ILDR2: variants seen among roughly 807,000 people sequenced by gnomAD.
ILDR2 encodes the protein immunoglobulin like domain containing receptor 2.
Under a neutral mutation model 66.8 loss-of-function variants are expected in ILDR2, and 25 were observed. The ratio of observed to expected loss-of-function variants is 0.37; its 90% CI spans 0.27 to 0.52. The LOEUF (loss-of-function observed/expected upper bound fraction) is 0.52. Ranked by LOEUF, ILDR2 falls within the 20% of genes least tolerant of loss-of-function variation. The pLI, the probability that ILDR2 is intolerant of heterozygous loss-of-function variation, is 0.88. For missense variants in ILDR2, 827 were observed against 876.8 expected (o/e 0.94, Z 0.72); for synonymous variants, 367 against 357.2 (o/e 1.03, Z -0.31).
intron 1 of ILDR2, among the ~76,000 whole-genome samples, chr1:166,969,923 T>A (rs965671771): frequency 6.6e-6 from 1 of 152,240 alleles, no homozygotes; most frequent in Non-Finnish European, 1.5e-5. Context: ...TAAGTGTAGG[T>A]AGGCAATACC....
At chr1:166,935,238 A>T in intron 6 of ILDR2, 63 bp downstream of exon 6, 1 of 1,544,814 alleles carries the variant, frequency 6.5e-7, no homozygotes, top group South Asian at 1.1e-5. Flanking sequence ...TGTTCTTAAC[A>T]ACAAGGAACC....
In ILDR2 at chr1:166,908,271, C is replaced by T. The variant is rs966303412; in HGVS notation, c.*11084G>A. 7.9e-5 allele frequency: 12 copies of T among 152,322 alleles called. No homozygotes were observed. The highest frequency in any genetic ancestry group is 5.8e-4 in the East Asian group (3 of 5,192). The allele number at this position is 152,322 out of a possible 1,614,324, so 9.4% of individuals were successfully genotyped here. ...GTGCACCAATACATTCAGTTCCTGG[C>T]GAAGGTCCTTTTCCTGGTTTGCAGA... On this transcript the variant is annotated 3_prime_UTR_variant, in exon 10 of 10. Coordinates refer to ENST00000271417, the MANE Select transcript of ILDR2 (RefSeq NM_199351.3).
At chr1:166,905,611 T>A (rs1010366449), downstream of ILDR2, among the ~76,000 whole-genome samples, 6 of 152,190 alleles carry the variant, frequency 3.9e-5, no homozygotes, top group African/African-American at 1.4e-4. Flanking sequence ...AACCCTGATG[T>A]CTCTAACTTA....
At chr1:166,923,589 G>A (rs1660089932) in intron 7 of ILDR2, among the ~76,000 whole-genome samples, 1 of 152,206 alleles carries the variant, frequency 6.6e-6, no homozygotes, top group African/African-American at 2.4e-5. Flanking sequence ...AAGAAGAGGA[G>A]GGTGTGCTGT....
intron 2 of ILDR2, among the ~76,000 whole-genome samples, chr1:166,899,760 C>G (rs1659230831): frequency 6.6e-6 from 1 of 152,184 alleles, no homozygotes; most frequent in Non-Finnish European, 1.5e-5. Flanking sequence ...TACAACCCTT[C>G]TTCTCCTTGC....
chr1:166,919,802 T>C (rs968885152), intron 9 of ILDR2, among the ~76,000 whole-genome samples: 8 of 152,170 alleles, frequency 5.3e-5, no homozygotes, highest in African/African-American at 1.4e-4. Context: ...TGTCAAAATC[T>C]TTTTCTGTTC....
intron 9 of ILDR2, 71 bp from the exon 10 acceptor site, chr1:166,919,461 T>C: frequency 1.4e-6 from 2 of 1,450,136 alleles, no homozygotes; most frequent in Non-Finnish European, 1.9e-6. Context: ...TAACAGATGG[T>C]TCTCTGGGCA....
intron 3 of ILDR2, chr1:166,944,004 T>G (rs1661472051): frequency 4.7e-6 from 1 of 211,070 alleles, no homozygotes; most frequent in Non-Finnish European, 8.2e-6. Context: ...AATTTCCACA[T>G]GAATAGACCA....
chr1:166,951,746 C>T (rs181549779), intron 3 of ILDR2, among the ~76,000 whole-genome samples: 98 of 152,234 alleles, frequency 6.4e-4, no homozygotes, highest in African/African-American at 2.3e-3. Context: ...AGAAAGTATT[C>T]CAAAAAACCA....
At chr1:166,941,323 G>C (rs1169732509) in intron 3 of ILDR2, among the ~76,000 whole-genome samples, 1 of 152,118 alleles carries the variant, frequency 6.6e-6, no homozygotes, top group Non-Finnish European at 1.5e-5. Flanking sequence ...TGGGACATTG[G>C]AAAAAGGTGT....
intron 6 of ILDR2, among the ~76,000 whole-genome samples, chr1:166,927,565 C>T (rs908346034): frequency 5.9e-5 from 9 of 152,250 alleles, no homozygotes; most frequent in South Asian, 4.1e-4. Context: ...ACATGCGTCA[C>T]TCTAGCATCT....
downstream of ILDR2, among the ~76,000 whole-genome samples, chr1:166,904,261 C>A (rs1280236857): frequency 6.6e-6 from 1 of 152,210 alleles, no homozygotes; most frequent in Admixed American, 6.5e-5. Flanking sequence ...TATCCCTTCT[C>A]ATTTCATCTT....
chr1:166,942,725 A>G (rs553104799), intron 3 of ILDR2, among the ~76,000 whole-genome samples: 1 of 152,340 alleles, frequency 6.6e-6, no homozygotes, highest in South Asian at 2.1e-4. Context: ...ACACAGAATA[A>G]CAGTAAATAC....
intron 1 of ILDR2, among the ~76,000 whole-genome samples, chr1:166,970,133 G>C (rs546400695): frequency 1.4e-4 from 21 of 152,282 alleles, no homozygotes; most frequent in African/African-American, 4.8e-4. Context: ...GGACCAGATT[G>C]GCTGGAGTAA....
rs372243769 is a variant in ILDR2, at chr1:166,975,277, A to C, written c.-9T>G. On this transcript the variant is annotated 5_prime_UTR_variant, in exon 1 of 10. Transcript: ENST00000271417. ...AGCAAGACCCTATCCATCTTCCCCA[A>C]CTTCCCAGCCGAATTACGGAGTGAG... The C allele has an allele frequency of 1.9e-6, 3 of 1,612,136 alleles. No homozygotes were observed. The highest frequency in any genetic ancestry group is 2.5e-6 in the Non-Finnish European group (3 of 1,178,626).
Position 166,919,177 on chromosome 1 carries a change from C to T in ILDR2, c.*178G>A. 1 of 599,092 alleles carries T rather than the reference C, an allele frequency of 1.7e-6. No homozygotes were observed. 37.1% of individuals were successfully genotyped at this position (599,092 alleles called of 1,614,324 possible). A position where few individuals can be genotyped will look rare whatever the true frequency, so the allele number is the denominator to read the frequency against. On this transcript the variant is annotated 3_prime_UTR_variant, in exon 10 of 10. Coordinates refer to ENST00000271417, the MANE Select transcript of ILDR2 (RefSeq NM_199351.3). ...GCTTCTCAAACTAGTTAGATGGGCACAGAGGTTTGAAATCAGCCTCCCTTA... is the reference window on the plus strand; with the variant it reads ...GCTTCTCAAACTAGTTAGATGGGCATAGAGGTTTGAAATCAGCCTCCCTTA...
chr1:166,904,851 C>T (rs974082503), downstream of ILDR2, among the ~76,000 whole-genome samples: 4 of 152,134 alleles, frequency 2.6e-5, no homozygotes, highest in African/African-American at 9.7e-5. Context: ...CTCTGGAGCA[C>T]ATCTTCCAAA....
intron 6 of ILDR2, among the ~76,000 whole-genome samples, chr1:166,928,409 CAAGG>C (rs1660431721): frequency 6.6e-6 from 1 of 152,146 alleles, no homozygotes. Flanking sequence ...GTGAGAAAAA[CAAGG>C]AAGGAAAGCC....
chr1:166,972,574 C>G (rs951138058), intron 1 of ILDR2, among the ~76,000 whole-genome samples: 6 of 152,260 alleles, frequency 3.9e-5, no homozygotes, highest in Admixed American at 3.3e-4. Context: ...AATCACAAGG[C>G]TAAATATATA....
Sources: allele counts gnomAD v4.1 joint callset (sites outside exome capture counted in the v4.1 genomes callset), GRCh38; gene constraint gnomAD v4.1.1; transcripts MANE v1.5; gene names NCBI Gene and HGNC (gene_info 2026-07-23, HGNC 2026-07-21).